SMYD3: variants seen among roughly 807,000 people sequenced by gnomAD.
SMYD3 encodes histone-lysine N-methyltransferase SMYD3.
A neutral mutation model predicts 57.7 loss-of-function variants in SMYD3; 36 were observed. The ratio of observed to expected loss-of-function variants is 0.62; its 90% CI spans 0.48 to 0.82. The LOEUF (loss-of-function observed/expected upper bound fraction) is 0.82. SMYD3 is among the 40% of genes least tolerant of loss of function. The probability of loss-of-function intolerance (pLI) is 0.00; values close to 1 mark genes in which losing one functional copy is unlikely to be tolerated. For missense variants in SMYD3, 515 were observed against 538.8 expected (o/e 0.96, Z 0.44); for synonymous variants, 211 against 195.0 (o/e 1.08, Z -0.68).
chr1:245,773,996 A>G (rs1179924648), intron 10 of SMYD3, among the ~76,000 whole-genome samples: 1 of 152,150 alleles, frequency 6.6e-6, no homozygotes, highest in East Asian at 1.9e-4. Flanking sequence ...TTTATATTCT[A>G]CTCCTAGAAA....
At position 246,355,077 on chromosome 1, in the gene SMYD3, C is replaced by T. The variant is rs773483378; in HGVS notation, c.182G>A (p.Arg61Gln). ...TTTGGCGACGCGGCACTGAGAGCAT[C>T]GCATCAGCTTTTCCTTCCTGTGGGG... ...RCLLGKEKLM[R>Q]CSQCRVAKYC... The change falls in exon 2 of 12, where the codon CGA (arginine) becomes CAA (glutamine). Residue 61 changes from arginine to glutamine, a missense_variant. Arg to Gln is a conservative substitution (Grantham distance 43, BLOSUM62 1). Transcript: ENST00000490107. This position sits in a 1 kb window ranked among gnomAD's most constrained non-coding sequence, Gnocchi z 5.0. 19 of 1,614,018 alleles carry T rather than the reference C, an allele frequency of 1.2e-5. No individual in the cohort carries two copies. The highest frequency in any genetic ancestry group is 1.6e-4 in the Middle Eastern group (1 of 6,084).
intron 1 of SMYD3, among the ~76,000 whole-genome samples, chr1:246,481,150 A>G (rs1264961550): frequency 6.6e-6 from 1 of 152,158 alleles, no homozygotes; most frequent in Non-Finnish European, 1.5e-5. Context: ...AGCAATACAC[A>G]TAGACTATAG....
At chr1:245,929,342 C>A (rs747709592) in intron 6 of SMYD3, among the ~76,000 whole-genome samples, 23 of 152,164 alleles carry the variant, frequency 1.5e-4, no homozygotes, top group Non-Finnish European at 2.5e-4. Flanking sequence ...ACTGGGTGTG[C>A]CTATAGTGCT....
chr1:245,984,523 G>A (rs1467419630), intron 5 of SMYD3, among the ~76,000 whole-genome samples: 2 of 152,206 alleles, frequency 1.3e-5, no homozygotes, highest in African/African-American at 4.8e-5. Flanking sequence ...TCTCCAGCTT[G>A]AGTGTGCGTG....
intron 8 of SMYD3, among the ~76,000 whole-genome samples, chr1:245,884,437 ATGG>A (rs1253084857): frequency 1.3e-5 from 2 of 152,064 alleles, no homozygotes; most frequent in African/African-American, 4.8e-5. Flanking sequence ...GGTGAAATGC[ATGG>A]GGGTTTTTAT....
intron 10 of SMYD3, among the ~76,000 whole-genome samples, chr1:245,853,946 T>C (rs2051107363): frequency 6.6e-6 from 1 of 152,210 alleles, no homozygotes; most frequent in African/African-American, 2.4e-5. Flanking sequence ...TTCTCCTTGA[T>C]GGAGATTTCA....
chr1:245,845,849 G>C (rs1012735567), intron 10 of SMYD3, among the ~76,000 whole-genome samples: 3 of 152,164 alleles, frequency 2.0e-5, no homozygotes, highest in Admixed American at 6.5e-5. Flanking sequence ...ATAGTACAGT[G>C]GACATCTATT....
In SMYD3 at chr1:246,164,440, G is replaced by GATAAATAA. The variant is rs770081255; in HGVS notation, c.531+162753_531+162760dup. ...GTCTCAAGAAATAAATAAATAAATAGATAAATAAATAAATAAATAAGACTT... is the reference window on the plus strand; with the variant it reads ...GTCTCAAGAAATAAATAAATAAATAGATAAATAAATAAATAAATAAATAAATAAGACTT... On this transcript the variant is annotated intron_variant, in intron 5 of 11. Coordinates refer to ENST00000490107, the MANE Select transcript of SMYD3 (RefSeq NM_001167740.2). 1.3e-3 allele frequency among the ~76,000 whole-genome samples: 194 copies of GATAAATAA among 152,042 alleles called. 1 individual carries two copies. The highest frequency in any genetic ancestry group is 4.4e-3 in the African/African-American group (182 of 41,522).
At chr1:245,790,992 T>C (rs2047244564) in intron 10 of SMYD3, among the ~76,000 whole-genome samples, 1 of 152,158 alleles carries the variant, frequency 6.6e-6, no homozygotes, top group Non-Finnish European at 1.5e-5. Flanking sequence ...TTTGTGACTG[T>C]GGATGTGAAT....
intron 5 of SMYD3, among the ~76,000 whole-genome samples, chr1:246,063,073 T>C (rs571210011): frequency 2.0e-5 from 3 of 152,288 alleles, no homozygotes; most frequent in South Asian, 4.2e-4. Flanking sequence ...CAGTTTCAGT[T>C]ATCTACTAGG....
chr1:245,762,077 G>A (rs1341281424), intron 11 of SMYD3, among the ~76,000 whole-genome samples: 5 of 152,080 alleles, frequency 3.3e-5, no homozygotes, highest in Admixed American at 6.5e-5. Flanking sequence ...GAGCCACCGC[G>A]CCCAGCCTGA....
At chr1:246,056,864 G>T (rs912882458) in intron 5 of SMYD3, among the ~76,000 whole-genome samples, 2 of 152,092 alleles carry the variant, frequency 1.3e-5, no homozygotes, top group Non-Finnish European at 2.9e-5. Flanking sequence ...TTTGTCTTTT[G>T]TAATTTCTCC....
At chr1:245,799,304 T>C (rs1306185487) in intron 10 of SMYD3, among the ~76,000 whole-genome samples, 1 of 152,186 alleles carries the variant, frequency 6.6e-6, no homozygotes, top group African/African-American at 2.4e-5. Context: ...AGGTCTGCCA[T>C]GTCCCACCAT....
intron 1 of SMYD3, among the ~76,000 whole-genome samples, chr1:246,436,594 CT>C: frequency 6.6e-6 from 1 of 152,170 alleles, no homozygotes; most frequent in African/African-American, 2.4e-5. Context: ...GTCTTTGACA[CT>C]TGATACTTTT....
chr1:246,251,472 G>T (rs552150717), intron 5 of SMYD3, among the ~76,000 whole-genome samples: 2 of 147,434 alleles, frequency 1.4e-5, no homozygotes, highest in Admixed American at 6.8e-5. Context: ...GCTTTAGTAG[G>T]TGCCTCGGAC....
chr1:246,410,566 A>T lies in SMYD3; in HGVS notation c.165-55472T>A, dbSNP rs182173559. Among the ~76,000 whole-genome samples the T allele has an allele frequency of 6.3e-3, 954 of 151,864 alleles. 12 individuals are homozygous for T. The highest frequency in any genetic ancestry group is 0.022 in the African/African-American group (909 of 41,398). ...AGCTTTTTGATGTATTGCTGGATTC[A>T]GTTTGCCAGTATTTTATTGAGGATT... is the stretch of plus-strand genomic sequence containing the variant. On this transcript the variant is annotated intron_variant, in intron 1 of 11. Coordinates refer to ENST00000490107, the MANE Select transcript of SMYD3 (RefSeq NM_001167740.2).
At chr1:246,164,440 G>GATAAATAAATAA (rs770081255) in intron 5 of SMYD3, among the ~76,000 whole-genome samples, 39 of 152,046 alleles carry the variant, frequency 2.6e-4, no homozygotes, top group African/African-American at 7.9e-4. Flanking sequence ...TAAATAAATA[G>GATAAATAAATAA]ATAAATAAAT....
At chr1:246,121,609 A>T (rs2061427310) in intron 5 of SMYD3, among the ~76,000 whole-genome samples, 1 of 152,196 alleles carries the variant, frequency 6.6e-6, no homozygotes, top group South Asian at 2.1e-4. Context: ...CCAGAGAAAT[A>T]GCAGTGTTGA....
chr1:246,241,374 G>A (rs193056417), intron 5 of SMYD3, among the ~76,000 whole-genome samples: 282 of 152,296 alleles, frequency 1.9e-3, no homozygotes, highest in Non-Finnish European at 3.2e-3. Flanking sequence ...CTTTGGTTCT[G>A]TTTATATGAT....
Sources: allele counts gnomAD v4.1 joint callset (sites outside exome capture counted in the v4.1 genomes callset), GRCh38; gene constraint gnomAD v4.1.1; non-coding constraint Gnocchi (gnomAD v3.1); transcripts MANE v1.5; gene names NCBI Gene and HGNC (gene_info 2026-07-23, HGNC 2026-07-21).